LPGAT1: variants seen among roughly 807,000 people sequenced by gnomAD.
LPGAT1 encodes lysophosphatidylglycerol acyltransferase 1, also known as acyl-CoA:lysophosphatidylglycerol acyltransferase 1.
In LPGAT1, 11 loss-of-function variants were observed where a neutral mutation model predicts 47.5. The observed-to-expected ratio is 0.23, with a 90% CI of 0.15 to 0.38. The LOEUF is 0.38. LPGAT1 is among the 10% of genes least tolerant of loss of function. The pLI is 1.00. For missense variants in LPGAT1, 293 were observed against 439.0 expected (o/e 0.67, Z 2.97); for synonymous variants, 138 against 144.2 (o/e 0.96, Z 0.31).
rs1056923573 is a variant in LPGAT1, at chr1:211,747,494, T to C, written c.*2405A>G. 1.3e-5 allele frequency: 2 copies of C among 152,220 alleles called. No individual in the cohort carries two copies. Among genetic ancestry groups the C allele is most frequent in the Admixed American group, 1.3e-4 (2 of 15,286 alleles). 9.4% of individuals were successfully genotyped at this position (152,220 alleles called of 1,614,324 possible). A position where few individuals can be genotyped will look rare whatever the true frequency, so the allele number is the denominator to read the frequency against. On this transcript the variant is annotated 3_prime_UTR_variant, in exon 8 of 8. Coordinates refer to ENST00000366997, the MANE Select transcript of LPGAT1 (RefSeq NM_014873.3). The stretch of plus-strand genomic sequence containing the variant: ...GTATATTTAACAATATCATGTTCCT[T>C]TGGAGCACAGTGATGGCAAAAGTGG...
intron 6 of LPGAT1, among the ~76,000 whole-genome samples, chr1:211,775,921 A>ATT (rs1658378023): frequency 1.3e-5 from 2 of 148,278 alleles, no homozygotes; most frequent in African/African-American, 2.5e-5. Flanking sequence ...ACAAGAGCAA[A>ATT]ATGCCATCTC....
At position 211,830,538 on chromosome 1, in the gene LPGAT1, G is replaced by A. The variant is rs1660701525; in HGVS notation, c.-28+35C>T. 5 of 1,049,104 alleles carry A rather than the reference G, an allele frequency of 4.8e-6. No homozygotes were observed. Among genetic ancestry groups the A allele is most frequent in the Non-Finnish European group, 4.6e-6 (4 of 867,706 alleles). The allele number at this position is 1,049,104 out of a possible 1,614,324, so 65.0% of individuals were successfully genotyped here. On this transcript the variant is annotated intron_variant, in intron 1 of 7. Coordinates refer to ENST00000366997, the MANE Select transcript of LPGAT1 (RefSeq NM_014873.3). This position sits in a 1 kb window ranked among gnomAD's most constrained non-coding sequence, Gnocchi z 5.9. ...CCTCCCCTGGCCCGGCTCCGCTGCC[G>A]CTCTGGGGCCTGCGACCGCGGAGCC...
intron 6 of LPGAT1, among the ~76,000 whole-genome samples, chr1:211,769,686 T>C (rs748385911): frequency 6.6e-5 from 10 of 152,184 alleles, no homozygotes; most frequent in Non-Finnish European, 1.2e-4. Flanking sequence ...TTTTAGACCA[T>C]ATAAGGTAAC....
chr1:211,785,451 G>A (rs1040892247), intron 4 of LPGAT1, among the ~76,000 whole-genome samples: 3 of 151,918 alleles, frequency 2.0e-5, no homozygotes, highest in Admixed American at 6.6e-5. Context: ...GGAAAAACAC[G>A]TTGCTCTTTA....
At chr1:211,762,437 C>A (rs1430397114) in intron 6 of LPGAT1, among the ~76,000 whole-genome samples, 1 of 152,154 alleles carries the variant, frequency 6.6e-6, no homozygotes, top group African/African-American at 2.4e-5. Flanking sequence ...GCCAGGAGGG[C>A]AGAACAAATG....
At chr1:211,800,770 T>C (rs1659544743) in intron 2 of LPGAT1, among the ~76,000 whole-genome samples, 1 of 152,192 alleles carries the variant, frequency 6.6e-6, no homozygotes. Flanking sequence ...AAGCCTGTGG[T>C]AAAATCAGGG....
chr1:211,797,849 A>G (rs1296955141), intron 2 of LPGAT1, among the ~76,000 whole-genome samples: 1 of 152,244 alleles, frequency 6.6e-6, no homozygotes, highest in East Asian at 1.9e-4. Context: ...TCCAAAGGGA[A>G]AAAGGACAAC....
chr1:211,777,033 AT>A (rs11284026), intron 6 of LPGAT1, among the ~76,000 whole-genome samples: 53,469 of 152,032 alleles, frequency 0.35, 11,362 homozygotes, highest in East Asian at 0.71. Context: ...AAAAAATTTT[AT>A]TGAAACACCT....
chr1:211,830,523 C>T lies in LPGAT1; in HGVS notation c.-28+50G>A, dbSNP rs537599183. 28,882 of 1,201,342 alleles carry T rather than the reference C, an allele frequency of 0.024. 405 individuals carry two copies. The highest frequency in any genetic ancestry group is 0.027 in the Non-Finnish European group (26,127 of 967,888). The allele number at this position is 1,201,342 out of a possible 1,614,324, so 74.4% of individuals were successfully genotyped here. A position where few individuals can be genotyped will look rare whatever the true frequency, so the allele number is the denominator to read the frequency against. On this transcript the variant is annotated intron_variant, in intron 1 of 7. Coordinates refer to ENST00000366997, the MANE Select transcript of LPGAT1 (RefSeq NM_014873.3). This position sits in a 1 kb window ranked among gnomAD's most constrained non-coding sequence, Gnocchi z 5.9. ...TCCCCGCCCCCAGCGCCTCCCCTGG[C>T]CCGGCTCCGCTGCCGCTCTGGGGCC...
At position 211,744,783 on chromosome 1, in the gene LPGAT1, T is replaced by C. The variant is rs886919190; in HGVS notation, c.*5116A>G. 6.6e-6 allele frequency: 1 copy of C among 151,980 alleles called. No individual in the cohort carries two copies. Among genetic ancestry groups the C allele is most frequent in the Non-Finnish European group, 1.5e-5 (1 of 68,040 alleles). 9.4% of individuals were successfully genotyped at this position (151,980 alleles called of 1,614,324 possible). A position where few individuals can be genotyped will look rare whatever the true frequency, so the allele number is the denominator to read the frequency against. On this transcript the variant is annotated 3_prime_UTR_variant, in exon 8 of 8. Transcript: ENST00000366997. Reference sequence around the variant, plus strand: ...AAACATTTACCAGCACACCACTGGATTGGGAGAATGGGGAGAAAGGGGGAA... The same window carrying C: ...AAACATTTACCAGCACACCACTGGACTGGGAGAATGGGGAGAAAGGGGGAA...
intron 4 of LPGAT1, 57 bp downstream of exon 4, chr1:211,787,575 A>C: frequency 3.1e-6 from 3 of 957,358 alleles, no homozygotes; most frequent in Non-Finnish European, 4.8e-6. Context: ...CTCTTTTTAT[A>C]ATCAAGAATC....
chr1:211,775,508 C>T (rs1421371517), intron 6 of LPGAT1, among the ~76,000 whole-genome samples: 2 of 152,026 alleles, frequency 1.3e-5, no homozygotes, highest in Non-Finnish European at 2.9e-5. Context: ...ACAGTTATTG[C>T]CCTCTATGAA....
At chr1:211,824,395 C>T (rs891815355) in intron 2 of LPGAT1, among the ~76,000 whole-genome samples, 1 of 151,392 alleles carries the variant, frequency 6.6e-6, no homozygotes, top group African/African-American at 2.4e-5. Context: ...GACTGTCTCA[C>T]AAAAAAATAA....
At chr1:211,787,491 A>G (rs913345680) in intron 4 of LPGAT1, 141 bp downstream of exon 4, 1 of 168,890 alleles carries the variant, frequency 5.9e-6, no homozygotes, top group African/African-American at 2.7e-5. Flanking sequence ...CTGTCTCTCA[A>G]AAAAAAAAAA....
intron 2 of LPGAT1, among the ~76,000 whole-genome samples, chr1:211,816,376 G>C (rs1660174102): frequency 6.6e-6 from 1 of 152,294 alleles, no homozygotes; most frequent in Non-Finnish European, 1.5e-5. Flanking sequence ...ATCTGACACA[G>C]AGAAGGCACT....
Position 211,764,779 on chromosome 1 carries a change from T to G in LPGAT1, c.855-13712A>C, listed in dbSNP as rs1228799202. On this transcript the variant is annotated intron_variant, in intron 6 of 7. Coordinates refer to ENST00000366997, the MANE Select transcript of LPGAT1 (RefSeq NM_014873.3). ...AACCAAGGCAGGTATTTCCAAAGAC[T>G]ATACAGGTAGCAAACCTAGGGACAT... 2.6e-5 allele frequency among the ~76,000 whole-genome samples: 4 copies of G among 152,260 alleles called. No individual in the cohort carries two copies. The South Asian group carries it at 6.2e-4, about 24-fold the overall frequency.
At chr1:211,798,450 C>T (rs1249176742) in intron 2 of LPGAT1, among the ~76,000 whole-genome samples, 1 of 151,992 alleles carries the variant, frequency 6.6e-6, no homozygotes, top group Non-Finnish European at 1.5e-5. Flanking sequence ...TCTGGGAGGC[C>T]GAGGCAGGAG....
chr1:211,810,258 C>T (rs1193175418), intron 2 of LPGAT1, among the ~76,000 whole-genome samples: 1 of 152,072 alleles, frequency 6.6e-6, no homozygotes, highest in African/African-American at 2.4e-5. Context: ...AGGGTTCTAC[C>T]ACTGCAGAAG....
chr1:211,803,764 C>CTTTTT (rs372453326), intron 2 of LPGAT1, among the ~76,000 whole-genome samples: 1 of 139,040 alleles, frequency 7.2e-6, no homozygotes, highest in Non-Finnish European at 1.6e-5. Context: ...GTTTTTCTTT[C>CTTTTT]TTTTTTTTTT....
Sources: gnomAD v4.1 joint callset for allele counts (sites outside exome capture counted in the v4.1 genomes callset) on GRCh38, gnomAD v4.1.1 for gene constraint, Gnocchi (gnomAD v3.1) non-coding constraint, MANE v1.5 for transcripts, NCBI Gene and HGNC (gene_info 2026-07-23, HGNC 2026-07-21) for gene names.